Variants in PKN3 observed in about 807,000 individuals in gnomAD.
PKN3 encodes the protein protein kinase N3, also known as serine/threonine-protein kinase N3.
In PKN3, 91 loss-of-function variants were observed where a neutral mutation model predicts 113.1. That is an observed-to-expected ratio of 0.80 (90% CI 0.68 to 0.96). The LOEUF is 0.96. PKN3 is among the 40% of genes least tolerant of loss of function. The pLI, the probability that PKN3 is intolerant of heterozygous loss-of-function variation, is 0.00. For missense variants in PKN3, 1,052 were observed against 1,202.2 expected (o/e 0.88, Z 1.85); for synonymous variants, 467 against 499.0 (o/e 0.94, Z 0.85).
rs779894977 is a variant in PKN3 at position 128,715,375 on chromosome 9, C to A, written c.1723C>A (p.Leu575Met). 6.2e-7 allele frequency: 1 copy of A among 1,613,828 alleles called. No homozygotes were observed. The change falls in exon 15 of 22, where the codon CTG becomes ATG. Residue 575 changes from leucine to methionine, a missense_variant. Transcript: ENST00000291906. This position sits in a 1 kb window ranked among gnomAD's most constrained non-coding sequence, Gnocchi z 4.1. ...AACCTCTCTCTGGCCCCAGGTCCTC[C>A]TGGTCCAGTTCAAGGGGACAGGGAA... ...LGRGHFGKVL[L>M]VQFKGTGKYY...
chr9:128,718,414 G>GGGTA (rs746337872), intron 17 of PKN3, 27 bp downstream of exon 17: 1 of 1,592,984 alleles, frequency 6.3e-7, no homozygotes, highest in Admixed American at 1.7e-5. Context: ...GGATGCACGG[G>GGGTA]GGTAGGGGTG....
At chr9:128,703,573 G>C (rs1861918490) in intron 1 of PKN3, 1 of 985,348 alleles carries the variant, frequency 1.0e-6, no homozygotes, top group Non-Finnish European at 1.2e-6. Flanking sequence ...ATCTGCTCCT[G>C]AGGAGGGAGA....
rs1450887974 is a variant in PKN3 at position 128,706,715 on chromosome 9, G to T, written c.414G>T (p.Glu138Asp). The T allele has an allele frequency of 1.9e-6, 3 of 1,569,078 alleles. No homozygotes were observed. Among genetic ancestry groups the T allele is most frequent in the Non-Finnish European group, 1.7e-6 (2 of 1,156,904 alleles). ...THTCASGTPK[E>D]RKLLAAAQQM... ...GGGCCTGTGCTATGGCTCCATAGGA[G>T]AGGAAGCTCCTGGCAGCTGCCCAGC... Residue 138 changes from glutamate (E) to aspartate (D), a missense_variant and splice_region_variant, in exon 4 of 22, where the codon GAG becomes GAT. Physicochemically the swap from Glu to Asp is conservative, Grantham distance 45. Transcript: ENST00000291906.
At chr9:128,714,481 T>C in intron 11 of PKN3, 81 bp from the exon 12 acceptor site, 1 of 1,096,586 alleles carries the variant, frequency 9.1e-7, no homozygotes. Context: ...CCTCTGTCCA[T>C]CTCACTTTGG....
Position 128,707,014 on chromosome 9 carries a change from A to G in PKN3, c.642A>G (p.Ala214=), listed in dbSNP as rs1862040763. The G allele has an allele frequency of 2.5e-6, 4 of 1,614,014 alleles. No homozygotes were observed. Among genetic ancestry groups the G allele is most frequent in the Admixed American group, 1.7e-5 (1 of 60,008 alleles). ...GCCGGAGAACACAGGACCGCAAGGC[A>G]CTGGCTGAGGTCAGGCCCCAGCCCT... ...LSSRRTQDRK[A]LAEAQAQLQE... is the part of the protein sequence containing the mutation. The change falls in exon 5 of 22, where the codon GCA becomes GCG. Residue 214 remains alanine (A), a synonymous_variant. Coordinates refer to ENST00000291906, the MANE Select transcript of PKN3 (RefSeq NM_013355.5).
rs149184637 is a variant in PKN3 at position 128,716,191 on chromosome 9, G to A, written c.1809-556G>A. Reference sequence around the variant, plus strand: ...CGTGGTGGTGCACACCCAGCTACTCGTGAAGCTGTGGTGGGAGGATCACTT... The same window carrying A: ...CGTGGTGGTGCACACCCAGCTACTCATGAAGCTGTGGTGGGAGGATCACTT... On this transcript the variant is annotated intron_variant, in intron 15 of 21. Transcript: ENST00000291906. Among the ~76,000 whole-genome samples the A allele has an allele frequency of 8.2e-3, 1,196 of 145,850 alleles. 13 individuals are homozygous for A. Among genetic ancestry groups the A allele is most frequent in the African/African-American group, 0.024 (946 of 39,088 alleles).
intron 6 of PKN3, among the ~76,000 whole-genome samples, chr9:128,708,418 ATAAAAT>A (rs1010003713): frequency 2.6e-5 from 4 of 152,136 alleles, no homozygotes; most frequent in African/African-American, 9.6e-5. Context: ...AAAAAAAATA[ATAAAAT>A]TAAACTAAAA....
At position 128,718,317 on chromosome 9, in the gene PKN3, C is replaced by G; in HGVS notation, c.1986-8C>G. 6.2e-7 allele frequency: 1 copy of G among 1,613,402 alleles called. No individual in the cohort carries two copies. Among genetic ancestry groups the G allele is most frequent in the South Asian group, 1.1e-5 (1 of 91,052 alleles). ...TGGGCCTGAGTTCTCCCATAACCAC[C>G]CCTGCAGCTTCTACGTGGCTTGTGT... On this transcript the variant is annotated splice_region_variant and splice_polypyrimidine_tract_variant and intron_variant, in intron 16 of 21. Coordinates refer to ENST00000291906, the MANE Select transcript of PKN3 (RefSeq NM_013355.5).
intron 6 of PKN3, among the ~76,000 whole-genome samples, chr9:128,708,542 AG>A (rs1862086535): frequency 1.3e-5 from 2 of 151,828 alleles, no homozygotes; most frequent in Non-Finnish European, 1.5e-5. Context: ...CAAAAAAAAA[AG>A]AAAAAAAGAA....
At chr9:128,705,222 C>T (rs1861972818) in intron 1 of PKN3, 81 bp from the exon 2 acceptor site, 1 of 1,514,966 alleles carries the variant, frequency 6.6e-7, no homozygotes, top group Non-Finnish European at 8.9e-7. Context: ...CCTTCGCCTC[C>T]ATCTGCAGTG....
At chr9:128,703,754 C>G (rs1861923929) in intron 1 of PKN3, 1 of 985,280 alleles carries the variant, frequency 1.0e-6, no homozygotes, top group Non-Finnish European at 1.2e-6. Flanking sequence ...CTTGAGCGCC[C>G]AAGCCAGTCG....
rs371687806 is a variant in PKN3, at chr9:128,706,750, G to T, written c.449G>T (p.Arg150Leu). The change falls in exon 4 of 22, where the codon CGG becomes CTG. Residue 150 changes from arginine (R) to leucine (L), a missense_variant. Transcript: ENST00000291906. ...KLLAAAQQMLRDSQLKVALLR... is the reference protein window; with the variant it reads ...KLLAAAQQMLLDSQLKVALLR... ...CTGGCAGCTGCCCAGCAGATGCTGC[G>T]GGACAGCCAGCTGAAGGTGGCCCTG... 1 of 1,604,432 alleles carries T rather than the reference G, an allele frequency of 6.2e-7. No individual in the cohort carries two copies.
Position 128,714,676 on chromosome 9 carries a change from G to A in PKN3, c.1584+12G>A. Reference sequence around the variant, plus strand: ...CCGAGGAGACTCCGGTGAGGGGCTGGAGGGACTAGTGGCTCCTAGGGCCGG... The same window carrying A: ...CCGAGGAGACTCCGGTGAGGGGCTGAAGGGACTAGTGGCTCCTAGGGCCGG... On this transcript the variant is annotated intron_variant, in intron 12 of 21. Transcript: ENST00000291906. 7.3e-7 allele frequency: 1 copy of A among 1,372,852 alleles called. No homozygotes were observed. The highest frequency in any genetic ancestry group is 1.0e-6 in the Non-Finnish European group (1 of 960,354). The allele number at this position is 1,372,852 out of a possible 1,614,324, so 85.0% of individuals were successfully genotyped here. A position where few individuals can be genotyped will look rare whatever the true frequency, so the allele number is the denominator to read the frequency against.
chr9:128,717,041 C>T, intron 16 of PKN3, 118 bp downstream of exon 16: 1 of 753,130 alleles, frequency 1.3e-6, no homozygotes, highest in Non-Finnish European at 2.2e-6. Context: ...AGTCAGAGGC[C>T]TTGGTTTACA....
chr9:128,703,648 G>C (rs1390537022), intron 1 of PKN3: 4 of 985,308 alleles, frequency 4.1e-6, no homozygotes, highest in East Asian at 1.1e-4. Flanking sequence ...GTGGGTCCCC[G>C]CAAAGAGCGG....
intron 6 of PKN3, among the ~76,000 whole-genome samples, chr9:128,711,608 G>GA (rs1862178808): frequency 6.7e-6 from 1 of 149,230 alleles, no homozygotes; most frequent in Non-Finnish European, 1.5e-5. Context: ...TTTTTTTTGG[G>GA]GGGGGTGGGG....
intron 6 of PKN3, among the ~76,000 whole-genome samples, chr9:128,709,239 T>C (rs1348640072): frequency 6.7e-6 from 1 of 149,644 alleles, no homozygotes; most frequent in Non-Finnish European, 1.5e-5. Context: ...TGAGCCGAGA[T>C]CGCACCACTG....
Position 128,705,403 on chromosome 9 carries a change from G to A in PKN3, c.125G>A (p.Arg42His), listed in dbSNP as rs770542091. ...AAGGAGGGGGTGGAGAACCTGCGGC[G>A]CGTGGCCACAGACCGCCGCCACTTG... ...KIKEGVENLR[R>H]VATDRRHLGH... Residue 42 changes from arginine to histidine, a missense_variant, in exon 2 of 22, where the codon CGC becomes CAC. Physicochemically the swap from Arg to His is conservative, Grantham distance 29. Coordinates refer to ENST00000291906, the MANE Select transcript of PKN3 (RefSeq NM_013355.5). 28 of 1,597,142 alleles carry A rather than the reference G, an allele frequency of 1.8e-5. No individual in the cohort carries two copies. The highest frequency in any genetic ancestry group is 1.2e-4 in the South Asian group (11 of 89,028).
Position 128,705,407 on chromosome 9 carries a change from GGCCACAGACCGCC to G in PKN3, c.135_147del (p.Asp46TrpfsTer58), listed in dbSNP as rs1861980111. 1.9e-6 allele frequency: 3 copies of G among 1,597,466 alleles called. No individual in the cohort carries two copies. In the East Asian group the frequency reaches 6.8e-5, roughly 36 times the overall value. On this transcript the variant is annotated frameshift_variant, in exon 2 of 22. Transcript: ENST00000291906. LOFTEE classifies it high-confidence loss of function. ...AGGGGGTGGAGAACCTGCGGCGCGT[GGCCACAGACCGCC>G]GCCACTTGGGCCATGTGCAGCAGCT...
Sources: allele counts gnomAD v4.1 joint callset (sites outside exome capture counted in the v4.1 genomes callset), GRCh38; gene constraint gnomAD v4.1.1; non-coding constraint Gnocchi (gnomAD v3.1); transcripts MANE v1.5; gene names NCBI Gene and HGNC (gene_info 2026-07-23, HGNC 2026-07-21).